The following ENOX1 variants were observed in gnomAD, a reference collection of about 807,000 sequenced individuals.
ENOX1 encodes the protein ecto-NOX disulfide-thiol exchanger 1.
Under a neutral mutation model 82.5 loss-of-function variants are expected in ENOX1, and 42 were observed. The ratio of observed to expected loss-of-function variants is 0.51; its 90% confidence interval spans 0.40 to 0.66. The LOEUF (loss-of-function observed/expected upper bound fraction) is 0.66, where lower values mean the gene tolerates loss of function less well. Among genes scored for constraint, ENOX1 ranks in the 30% least tolerant of loss-of-function variants. ENOX1 has a pLI of 0.00. For missense variants in ENOX1, 608 were observed against 811.6 expected, an observed-to-expected ratio of 0.75 and a Z score of 3.05; for synonymous variants, 271 against 282.2, an observed-to-expected ratio of 0.96 and a Z score of 0.40.
At chr13:43,470,309 TATATATACAC>T (rs2057961650) in intron 3 of ENOX1, among the ~76,000 whole-genome samples, 1 of 45,818 alleles carries the variant, frequency 2.2e-5, no homozygotes, top group East Asian at 3.8e-4. Flanking sequence ...TATATATACA[TATATATACAC>T]ATATATATAT....
intron 2 of ENOX1, among the ~76,000 whole-genome samples, chr13:43,494,043 C>T (rs527778330): frequency 6.6e-6 from 1 of 152,244 alleles, no homozygotes; most frequent in Non-Finnish European, 1.5e-5. Flanking sequence ...CTCGTGAGAA[C>T]TCACTATCAT....
chr13:43,247,883 A>T (rs111570521), intron 14 of ENOX1, among the ~76,000 whole-genome samples: 9,368 of 14,280 alleles, frequency 0.66, 2,728 homozygotes, highest in East Asian at 0.82. Context: ...ATATATATAT[A>T]TTTTTTTTTT....
At chr13:43,745,309 C>T (rs934641392) in intron 1 of ENOX1, among the ~76,000 whole-genome samples, 1 of 152,018 alleles carries the variant, frequency 6.6e-6, no homozygotes, top group Non-Finnish European at 1.5e-5. Flanking sequence ...AATTTATCCA[C>T]ATGTAAAAGT....
At chr13:43,664,153 T>G (rs966331407) in intron 2 of ENOX1, among the ~76,000 whole-genome samples, 1 of 152,022 alleles carries the variant, frequency 6.6e-6, no homozygotes, top group East Asian at 1.9e-4. Flanking sequence ...AAACTTACCA[T>G]GTTAATTATT....
chr13:43,298,109 A>G (rs1170651625), intron 12 of ENOX1, among the ~76,000 whole-genome samples: 1 of 151,958 alleles, frequency 6.6e-6, no homozygotes, highest in Admixed American at 6.6e-5. Flanking sequence ...AATCCAAATC[A>G]TTTTCCTTTA....
intron 1 of ENOX1, among the ~76,000 whole-genome samples, chr13:43,773,898 G>A (rs1555382737): frequency 6.6e-6 from 1 of 152,058 alleles, no homozygotes; most frequent in Non-Finnish European, 1.5e-5. Context: ...TGAATATCTA[G>A]CATGCTTTTC....
chr13:43,374,100 C>T (rs1212931068), intron 5 of ENOX1, among the ~76,000 whole-genome samples: 1 of 148,438 alleles, frequency 6.7e-6, no homozygotes, highest in Non-Finnish European at 1.5e-5. Flanking sequence ...CCTTCTCTCC[C>T]CTCCCTTCCC....
intron 1 of ENOX1, among the ~76,000 whole-genome samples, chr13:43,710,587 G>T (rs960092388): frequency 6.6e-6 from 1 of 152,104 alleles, no homozygotes; most frequent in South Asian, 2.1e-4. Context: ...AAATCAGAAG[G>T]ATAATAATTG....
intron 1 of ENOX1, among the ~76,000 whole-genome samples, chr13:43,760,452 C>T (rs2153835176): frequency 6.6e-6 from 1 of 152,272 alleles, no homozygotes; most frequent in Admixed American, 6.5e-5. Flanking sequence ...CCACTGCATG[C>T]TGTCCCCTGC....
chr13:43,765,214 AG>A (rs778405901), intron 1 of ENOX1, among the ~76,000 whole-genome samples: 30 of 152,230 alleles, frequency 2.0e-4, no homozygotes, highest in Non-Finnish European at 3.5e-4. Context: ...TAAATAACAA[AG>A]AACCTAGTCT....
chr13:43,640,869 T>G (rs9634779), intron 2 of ENOX1, among the ~76,000 whole-genome samples: 1 of 56,942 alleles, frequency 1.8e-5, no homozygotes, highest in Non-Finnish European at 3.2e-5. Flanking sequence ...CATACACACA[T>G]GCACACACAC....
intron 1 of ENOX1, among the ~76,000 whole-genome samples, chr13:43,741,369 C>T (rs1594645156): frequency 6.6e-6 from 1 of 152,284 alleles, no homozygotes; most frequent in South Asian, 2.1e-4. Flanking sequence ...AGGTGTGAGT[C>T]ACTGCGCCCG....
At chr13:43,701,926 T>C (rs2086927206) in intron 1 of ENOX1, among the ~76,000 whole-genome samples, 1 of 151,968 alleles carries the variant, frequency 6.6e-6, no homozygotes, top group South Asian at 2.1e-4. Flanking sequence ...CCTGTGTAGA[T>C]TCTGATAACC....
chr13:43,751,533 T>C (rs778398327), intron 1 of ENOX1, among the ~76,000 whole-genome samples: 2 of 152,208 alleles, frequency 1.3e-5, no homozygotes, highest in Non-Finnish European at 2.9e-5. Flanking sequence ...ACTCTCTCTG[T>C]CACTCCTCTC....
intron 11 of ENOX1, among the ~76,000 whole-genome samples, chr13:43,319,720 T>A (rs190980844): frequency 2.4e-3 from 367 of 152,324 alleles, no homozygotes; most frequent in Non-Finnish European, 3.5e-3. Flanking sequence ...GGATATTCTC[T>A]TCTGGAATTT....
At chr13:43,397,425 G>A (rs1296947259) in intron 5 of ENOX1, among the ~76,000 whole-genome samples, 3 of 152,204 alleles carry the variant, frequency 2.0e-5, no homozygotes, top group African/African-American at 7.2e-5. Flanking sequence ...ATGGAGACTG[G>A]AGTCACCTCA....
At chr13:43,617,015 A>G (rs1275061649) in intron 2 of ENOX1, among the ~76,000 whole-genome samples, 1 of 152,148 alleles carries the variant, frequency 6.6e-6, no homozygotes, top group Non-Finnish European at 1.5e-5. Flanking sequence ...CTATTTAGGT[A>G]AGATGTTAAC....
At chr13:43,698,339 G>C (rs1395807058) in intron 1 of ENOX1, among the ~76,000 whole-genome samples, 92 of 152,104 alleles carry the variant, frequency 6.0e-4, no homozygotes, top group Non-Finnish European at 1.1e-3. Context: ...TCTTGACCTG[G>C]AAGCTACAGT....
intron 2 of ENOX1, among the ~76,000 whole-genome samples, chr13:43,520,723 A>T (rs2077733039): frequency 6.6e-6 from 1 of 152,158 alleles, no homozygotes; most frequent in South Asian, 2.1e-4. Flanking sequence ...CTGAGACAGA[A>T]GACATAATTT....
Sources: gnomAD v4.1 joint callset for allele counts (sites outside exome capture counted in the v4.1 genomes callset) on GRCh38, gnomAD v4.1.1 for gene constraint, MANE v1.5 for transcripts, NCBI Gene and HGNC (gene_info 2026-07-23, HGNC 2026-07-21) for gene names.